The following DAAM1 variants were observed in gnomAD, a reference collection of about 807,000 sequenced individuals.
DAAM1 encodes the protein dishevelled associated activator of morphogenesis 1, also known as disheveled-associated activator of morphogenesis 1.
In DAAM1, 52 loss-of-function variants were observed where a neutral mutation model predicts 130.0. The observed-to-expected ratio is 0.40, with a 90% CI of 0.32 to 0.50. The LOEUF is 0.50. Ranked by LOEUF, DAAM1 falls within the 20% of genes least tolerant of loss-of-function variation. DAAM1 has a pLI of 0.61. For missense variants in DAAM1, 1,134 were observed against 1,303.8 expected (o/e 0.87, Z 2.01); for synonymous variants, 452 against 444.5 (o/e 1.02, Z -0.21).
At chr14:59,318,730 CT>C (rs1884887098) in intron 4 of DAAM1, among the ~76,000 whole-genome samples, 1 of 152,052 alleles carries the variant, frequency 6.6e-6, no homozygotes, top group Non-Finnish European at 1.5e-5. Flanking sequence ...ATGTTGTAGT[CT>C]TTTCTGTTTT....
chr14:59,262,678 G>GTC (rs1566673183), intron 1 of DAAM1, among the ~76,000 whole-genome samples: 1 of 151,498 alleles, frequency 6.6e-6, no homozygotes, highest in Non-Finnish European at 1.5e-5. Flanking sequence ...GTGTGTGTGT[G>GTC]TGTGTGTGTG....
At chr14:59,211,290 G>A (rs1888418530) in intron 1 of DAAM1, among the ~76,000 whole-genome samples, 1 of 152,162 alleles carries the variant, frequency 6.6e-6, no homozygotes. Context: ...GTTCTGTTCA[G>A]ATTTTATTTT....
chr14:59,261,078 G>A (rs1882139580), intron 1 of DAAM1, among the ~76,000 whole-genome samples: 1 of 152,134 alleles, frequency 6.6e-6, no homozygotes, highest in African/African-American at 2.4e-5. Flanking sequence ...CCAGGGCTCT[G>A]CTCTGAGAAG....
chr14:59,331,019 T>C (rs1885407641), intron 13 of DAAM1, among the ~76,000 whole-genome samples, 190 bp from the exon 14 acceptor site: 1 of 152,114 alleles, frequency 6.6e-6, no homozygotes, highest in Admixed American at 6.5e-5. Flanking sequence ...GAGTGTCAGG[T>C]ACAAAAGGTT....
chr14:59,273,189 A>G (rs1003436733), intron 2 of DAAM1, among the ~76,000 whole-genome samples: 1 of 152,222 alleles, frequency 6.6e-6, no homozygotes, highest in Non-Finnish European at 1.5e-5. Context: ...AAAGCTTAAG[A>G]TACGACCATA....
chr14:59,339,314 A>T (rs547383410), intron 15 of DAAM1, among the ~76,000 whole-genome samples: 25 of 152,348 alleles, frequency 1.6e-4, no homozygotes, highest in Admixed American at 1.5e-3. Flanking sequence ...ATGAAATCAA[A>T]CTTGCTATTT....
intron 1 of DAAM1, among the ~76,000 whole-genome samples, chr14:59,249,225 C>T (rs577997527): frequency 4.8e-4 from 73 of 152,222 alleles, no homozygotes; most frequent in Non-Finnish European, 8.1e-4. Flanking sequence ...CCTATTAACA[C>T]AGCAGAACAA....
chr14:59,285,235 A>C (rs1450813442), intron 2 of DAAM1, among the ~76,000 whole-genome samples: 2 of 152,190 alleles, frequency 1.3e-5, no homozygotes, highest in Non-Finnish European at 2.9e-5. Flanking sequence ...AGGAGAAACA[A>C]AATCGTTTTC....
intron 2 of DAAM1, among the ~76,000 whole-genome samples, chr14:59,279,756 T>TA (rs1258105431): frequency 1.3e-5 from 2 of 152,126 alleles, no homozygotes; most frequent in African/African-American, 4.8e-5. Context: ...ATTAAAATTT[T>TA]AAAAAACACG....
chr14:59,251,518 G>A (rs1191344758), intron 1 of DAAM1, among the ~76,000 whole-genome samples: 2 of 151,906 alleles, frequency 1.3e-5, no homozygotes, highest in African/African-American at 4.8e-5. Context: ...CAACATGAAG[G>A]GAGGTCGGGC....
intron 1 of DAAM1, among the ~76,000 whole-genome samples, chr14:59,219,971 C>G (rs1361101906): frequency 1.3e-5 from 2 of 152,144 alleles, no homozygotes; most frequent in Non-Finnish European, 2.9e-5. Context: ...TGTTTGAATT[C>G]AAGAGTGGTT....
chr14:59,317,991 A>G (rs769611878), intron 4 of DAAM1, among the ~76,000 whole-genome samples: 1 of 152,222 alleles, frequency 6.6e-6, no homozygotes, highest in East Asian at 1.9e-4. Flanking sequence ...GGAGAACTGC[A>G]GCACTTACTA....
intron 2 of DAAM1, among the ~76,000 whole-genome samples, chr14:59,267,896 C>A (rs868760096): frequency 2.0e-5 from 2 of 100,172 alleles, no homozygotes; most frequent in Non-Finnish European, 1.9e-5. Context: ...GGATATACGC[C>A]CCCCCCTTTT....
chr14:59,212,595 G>A (rs1888460314), intron 1 of DAAM1, among the ~76,000 whole-genome samples: 1 of 152,230 alleles, frequency 6.6e-6, no homozygotes, highest in East Asian at 1.9e-4. Flanking sequence ...TGCCATGCTA[G>A]ACAATGCTTA....
chr14:59,354,061 G>A (rs1388367300), intron 19 of DAAM1, 97 bp downstream of exon 19: 1 of 1,088,462 alleles, frequency 9.2e-7, no homozygotes, highest in East Asian at 2.9e-5. Context: ...TCCCCTTGGT[G>A]ATTTTTTTTT....
chr14:59,190,088 T>A (rs140128128), intron 1 of DAAM1, among the ~76,000 whole-genome samples: 6 of 152,276 alleles, frequency 3.9e-5, no homozygotes, highest in Admixed American at 6.5e-5. Context: ...TTCGATTCGA[T>A]GTGGCTCTGC....
In DAAM1 at chr14:59,353,946, G is replaced by A. The variant is rs1886377705; in HGVS notation, c.2338G>A (p.Val780Met). 1 of 1,614,002 alleles carries A rather than the reference G, an allele frequency of 6.2e-7. No individual in the cohort carries two copies. The highest frequency in any genetic ancestry group is 8.5e-7 in the Non-Finnish European group (1 of 1,179,910). Reference sequence around the variant, plus strand: ...GAAGTTTGCAGAGCGTGTGGCAGAAGTGAAACCTAAAGTGGAAGGTAAAGT... The same window carrying A: ...GAAGTTTGCAGAGCGTGTGGCAGAAATGAAACCTAAAGTGGAAGGTAAAGT... ...KKKFAERVAEVKPKVEAIRSG... is the reference protein window; with the variant it reads ...KKKFAERVAEMKPKVEAIRSG... The change falls in exon 19 of 25, where the codon GTG becomes ATG. Residue 780 changes from valine to methionine, a missense_variant. Around this residue, in one of 3 missense-constraint regions of DAAM1, gnomAD observed 644 missense variants for 695.9 expected, o/e 0.93. Transcript: ENST00000360909.
At chr14:59,262,602 C>G (rs1256356134) in intron 1 of DAAM1, among the ~76,000 whole-genome samples, 1 of 150,454 alleles carries the variant, frequency 6.6e-6, no homozygotes, top group Non-Finnish European at 1.5e-5. Flanking sequence ...TTTCCCATAT[C>G]TACATATACA....
chr14:59,269,981 A>G (rs913084546), intron 2 of DAAM1, among the ~76,000 whole-genome samples: 4 of 152,234 alleles, frequency 2.6e-5, no homozygotes, highest in African/African-American at 7.2e-5. Context: ...ATATATATCA[A>G]ATTCTTCCTA....
Sources: allele counts gnomAD v4.1 joint callset (sites outside exome capture counted in the v4.1 genomes callset), GRCh38; gene constraint gnomAD v4.1.1; regional missense constraint gnomAD v4.1.1; transcripts MANE v1.5; gene names NCBI Gene and HGNC (gene_info 2026-07-23, HGNC 2026-07-21).